CIAPIN1: variants seen among roughly 807,000 people sequenced by gnomAD.
CIAPIN1 encodes the protein cytokine induced apoptosis inhibitor 1, also known as anamorsin.
A neutral mutation model predicts 34.3 loss-of-function variants in CIAPIN1; 18 were observed. That is an observed-to-expected ratio of 0.52 (90% confidence interval 0.36 to 0.78). The LOEUF (loss-of-function observed/expected upper bound fraction) is 0.78, where lower values mean the gene tolerates loss of function less well. CIAPIN1 is among the 30% of genes least tolerant of loss of function. CIAPIN1 has a pLI of 0.00. For missense variants in CIAPIN1, 310 were observed against 372.5 expected (o/e 0.83, Z 1.38); for synonymous variants, 131 against 140.4 (o/e 0.93, Z 0.47).
In CIAPIN1 at chr16:57,432,469, A is replaced by G. The variant is rs1284007513; in HGVS notation, c.630+18T>C. On this transcript the variant is annotated intron_variant, in intron 6 of 8. Coordinates refer to ENST00000394391, the MANE Select transcript of CIAPIN1 (RefSeq NM_020313.4). ...GGGCCTGAAAGAAAGCAATCAAGTG[A>G]CAATGCTGCCAGCTCACCATGCTGT... The G allele has an allele frequency of 3.1e-6, 5 of 1,612,358 alleles. No individual in the cohort carries two copies. The highest frequency in any genetic ancestry group is 2.7e-5 in the African/African-American group (2 of 74,874).
Position 57,430,502 on chromosome 16 carries a change from G to A in CIAPIN1, c.747-163C>T, listed in dbSNP as rs1038234995. 61 of 634,906 alleles carry A rather than the reference G, an allele frequency of 9.6e-5. No individual in the cohort carries two copies. The African/African-American group carries it at 1.1e-3, about 11-fold the overall frequency. The allele number at this position is 634,906 out of a possible 1,614,324, so 39.3% of individuals were successfully genotyped here. On this transcript the variant is annotated intron_variant, in intron 7 of 8. Transcript: ENST00000394391. Reference sequence around the variant, plus strand: ...AGCAGCAATATGAGAGGCTGCTGAGGGAGACAGAAGTGGGAGGAGGATGAG... The same window carrying A: ...AGCAGCAATATGAGAGGCTGCTGAGAGAGACAGAAGTGGGAGGAGGATGAG...
chr16:57,438,819 T>C (rs1903261489), intron 3 of CIAPIN1, among the ~76,000 whole-genome samples: 1 of 152,220 alleles, frequency 6.6e-6, no homozygotes, highest in Non-Finnish European at 1.5e-5. Context: ...CTTTTGAGAT[T>C]GGCTTTTTTC....
chr16:57,430,813 C>T (rs1312306942), intron 7 of CIAPIN1, among the ~76,000 whole-genome samples: 1 of 152,182 alleles, frequency 6.6e-6, no homozygotes. Context: ...AGGTCTCGCT[C>T]TGATGCCCAT....
intron 6 of CIAPIN1, 29 bp downstream of exon 6, chr16:57,432,458 G>A (rs1359903424): frequency 6.2e-7 from 1 of 1,607,378 alleles, no homozygotes; most frequent in Non-Finnish European, 8.5e-7. Flanking sequence ...CTGAAAGAAA[G>A]CAATCAAGTG....
At chr16:57,447,112 G>C (rs376511221) in intron 1 of CIAPIN1, among the ~76,000 whole-genome samples, 1 of 152,242 alleles carries the variant, frequency 6.6e-6, no homozygotes, top group Non-Finnish European at 1.5e-5. Context: ...GGCAGCCGGG[G>C]AACGGCAGAA....
Position 57,429,090 on chromosome 16 carries a change from A to C in CIAPIN1, c.*80T>G. ...ATCTCAGAGTGAACAAATCCAGAGGAGGTGGGAGGAGCCACCATGGTGGGA... is the reference window on the plus strand; with the variant it reads ...ATCTCAGAGTGAACAAATCCAGAGGCGGTGGGAGGAGCCACCATGGTGGGA... On this transcript the variant is annotated 3_prime_UTR_variant, in exon 9 of 9. Coordinates refer to ENST00000394391, the MANE Select transcript of CIAPIN1 (RefSeq NM_020313.4). 1.1e-6 allele frequency: 1 copy of C among 926,476 alleles called. No individual in the cohort carries two copies. The highest frequency in any genetic ancestry group is 1.8e-5 in the Admixed American group (1 of 54,698). The allele number at this position is 926,476 out of a possible 1,614,324, so 57.4% of individuals were successfully genotyped here.
At chr16:57,445,847 T>G (rs1002767174) in intron 1 of CIAPIN1, among the ~76,000 whole-genome samples, 8 of 134,440 alleles carry the variant, frequency 6.0e-5, no homozygotes, top group African/African-American at 2.1e-4. Flanking sequence ...TTTTTTTTTT[T>G]TTTTTTTTTT....
At chr16:57,433,364 C>T (rs750083995) in intron 5 of CIAPIN1, among the ~76,000 whole-genome samples, 5 of 152,194 alleles carry the variant, frequency 3.3e-5, no homozygotes, top group Admixed American at 1.3e-4. Flanking sequence ...AACCATGAAT[C>T]GAAAGGTTAG....
At position 57,440,887 on chromosome 16, in the gene CIAPIN1, C is replaced by T. The variant is rs1308892210; in HGVS notation, c.42G>A (p.Val14=). The T allele has an allele frequency of 6.2e-7, 1 of 1,613,926 alleles. No homozygotes were observed. The highest frequency in any genetic ancestry group is 8.5e-7 in the Non-Finnish European group (1 of 1,179,984). Residue 14 remains valine, a synonymous_variant, in exon 2 of 9, where the codon GTG becomes GTA. Transcript: ENST00000394391. ...FGISAGQFVA[V]VWDKSSPVEA... ...CCACTGGGGATGACTTATCCCAGACCACTGCCACAAACTGGCCAGCAGAGA... is the reference window on the plus strand; with the variant it reads ...CCACTGGGGATGACTTATCCCAGACTACTGCCACAAACTGGCCAGCAGAGA...
intron 1 of CIAPIN1, among the ~76,000 whole-genome samples, chr16:57,446,251 G>T (rs1356343167): frequency 2.0e-5 from 3 of 152,150 alleles, no homozygotes; most frequent in Non-Finnish European, 4.4e-5. Context: ...AGTTTCCACA[G>T]GAAAGGCTCA....
At chr16:57,444,354 C>T (rs1473569020) in intron 1 of CIAPIN1, among the ~76,000 whole-genome samples, 2 of 152,224 alleles carry the variant, frequency 1.3e-5, no homozygotes, top group Non-Finnish European at 2.9e-5. Context: ...CTCTGGCACA[C>T]AGAGCTCTGT....
In CIAPIN1 at chr16:57,428,943, C is replaced by T; in HGVS notation, c.*227G>A. ...CTTCTCTTAACATGAGGTGAAGAAA[C>T]CCATCCCATTCTGAAACCAGGTCCC... is the stretch of plus-strand genomic sequence containing the variant. On this transcript the variant is annotated 3_prime_UTR_variant, in exon 9 of 9. Transcript: ENST00000394391. The T allele has an allele frequency of 2.0e-6, 1 of 488,728 alleles. No homozygotes were observed. 30.3% of individuals were successfully genotyped at this position (488,728 alleles called of 1,614,324 possible). A position where few individuals can be genotyped will look rare whatever the true frequency, so the allele number is the denominator to read the frequency against.
At position 57,440,995 on chromosome 16, in the gene CIAPIN1, C is replaced by A. The variant is rs527955001; in HGVS notation, c.-55-12G>T. 1.1e-5 allele frequency: 16 copies of A among 1,517,184 alleles called. No individual in the cohort carries two copies. Among genetic ancestry groups the A allele is most frequent in the African/African-American group, 7.0e-5 (5 of 71,554 alleles). The allele number at this position is 1,517,184 out of a possible 1,614,324, so 94.0% of individuals were successfully genotyped here. A position where few individuals can be genotyped will look rare whatever the true frequency, so the allele number is the denominator to read the frequency against. On this transcript the variant is annotated splice_polypyrimidine_tract_variant and intron_variant, in intron 1 of 8. Transcript: ENST00000394391. Reference sequence around the variant, plus strand: ...AAAGGGAATCAAGACTGGGCAGAGACAAAGTGCAATTTAATCTGTGAGATA... The same window carrying A: ...AAAGGGAATCAAGACTGGGCAGAGAAAAAGTGCAATTTAATCTGTGAGATA...
chr16:57,444,971 T>C (rs1451533329), intron 1 of CIAPIN1, among the ~76,000 whole-genome samples: 1 of 152,204 alleles, frequency 6.6e-6, no homozygotes, highest in Non-Finnish European at 1.5e-5. Context: ...GGCACACACA[T>C]GTGCATGGCC....
intron 1 of CIAPIN1, among the ~76,000 whole-genome samples, chr16:57,446,086 TCCACACG>T (rs1270113266): frequency 6.6e-6 from 1 of 152,136 alleles, no homozygotes; most frequent in Non-Finnish European, 1.5e-5. Context: ...GCTCAAGTGA[TCCACACG>T]CCGCAGCCTC....
chr16:57,429,820 T>A (rs1457264584), intron 8 of CIAPIN1, among the ~76,000 whole-genome samples: 1 of 147,772 alleles, frequency 6.8e-6, no homozygotes, highest in Admixed American at 6.7e-5. Flanking sequence ...GGAGTCTCCC[T>A]CTGTCACCCA....
intron 1 of CIAPIN1, among the ~76,000 whole-genome samples, chr16:57,443,841 T>C (rs2029948747): frequency 6.6e-6 from 1 of 152,102 alleles, no homozygotes; most frequent in Non-Finnish European, 1.5e-5. Context: ...CTTGCAAACT[T>C]CAAGGTGTGC....
chr16:57,443,133 GTT>G (rs59690029), intron 1 of CIAPIN1, among the ~76,000 whole-genome samples: 14 of 122,284 alleles, frequency 1.1e-4, no homozygotes, highest in African/African-American at 2.4e-4. Context: ...TTCTGGTTTT[GTT>G]TTTTTTTTTT....
intron 2 of CIAPIN1, among the ~76,000 whole-genome samples, 198 bp downstream of exon 2, chr16:57,440,574 G>A (rs538483730): frequency 2.0e-5 from 3 of 152,196 alleles, no homozygotes; most frequent in African/African-American, 7.2e-5. Context: ...CGACACTTAG[G>A]GAAAATAGAA....
Sources: allele counts gnomAD v4.1 joint callset (sites outside exome capture counted in the v4.1 genomes callset), GRCh38; gene constraint gnomAD v4.1.1; transcripts MANE v1.5; gene names NCBI Gene and HGNC (gene_info 2026-07-23, HGNC 2026-07-21).